Variants in TMEM181 observed in about 807,000 individuals in gnomAD.
TMEM181 encodes G protein-coupled receptor 178.
In TMEM181, 39 loss-of-function variants were observed where a neutral mutation model predicts 71.9. The ratio of observed to expected loss-of-function variants is 0.54; its 90% confidence interval spans 0.42 to 0.71. TMEM181 has a LOEUF of 0.71. TMEM181 is among the 30% of genes least tolerant of loss of function. TMEM181 has a pLI of 0.00. For missense variants in TMEM181, 595 were observed against 583.0 expected (o/e 1.02, Z -0.21); for synonymous variants, 245 against 228.8 (o/e 1.07, Z -0.64).
chr6:158,611,893 G>A (rs969442443), intron 10 of TMEM181, among the ~76,000 whole-genome samples: 1 of 152,054 alleles, frequency 6.6e-6, no homozygotes, highest in Non-Finnish European at 1.5e-5. Context: ...GGCTTGGAAT[G>A]TTTCTGTATC....
chr6:158,594,125 G>T, intron 6 of TMEM181, among the ~76,000 whole-genome samples: 1 of 119,090 alleles, frequency 8.4e-6, no homozygotes. Flanking sequence ...TTTTTTCTGA[G>T]ACAGAGTCTG....
intron 1 of TMEM181, among the ~76,000 whole-genome samples, chr6:158,571,453 C>G (rs761695134): frequency 1.5e-5 from 2 of 134,442 alleles, no homozygotes; most frequent in South Asian, 2.3e-4. Flanking sequence ...TGAGCCACCA[C>G]GCCTGGCTGC....
intron 1 of TMEM181, among the ~76,000 whole-genome samples, chr6:158,563,324 A>G (rs1782293229): frequency 6.6e-6 from 1 of 152,142 alleles, no homozygotes; most frequent in Non-Finnish European, 1.5e-5. Context: ...TTGTATTTTT[A>G]GTAGAGTCAG....
intron 1 of TMEM181, among the ~76,000 whole-genome samples, chr6:158,538,121 C>T (rs1361059580): frequency 6.7e-6 from 1 of 148,926 alleles, no homozygotes; most frequent in Non-Finnish European, 1.5e-5. Flanking sequence ...CTGCTAGTCC[C>T]CCGTCCCCCG....
chr6:158,608,236 TCTCTGCTAGGTGCTGACCCCGCAGAG>T, intron 8 of TMEM181, 71 bp from the exon 9 acceptor site: 1 of 790,980 alleles, frequency 1.3e-6, no homozygotes. Context: ...TATGGGGTGC[TCTCTGCTAGGTGCTGACCCCGCAGAG>T]GTATGGGGTG....
intron 10 of TMEM181, among the ~76,000 whole-genome samples, chr6:158,615,393 C>A (rs562468486): frequency 6.6e-6 from 1 of 152,288 alleles, no homozygotes; most frequent in South Asian, 2.1e-4. Context: ...AGCCCTTTAT[C>A]AGATGAGTAG....
chr6:158,546,938 C>T (rs564251738), intron 1 of TMEM181, among the ~76,000 whole-genome samples: 16 of 151,802 alleles, frequency 1.1e-4, no homozygotes, highest in East Asian at 3.9e-4. Flanking sequence ...CCAGCCTGGG[C>T]GACACAGCGA....
Position 158,543,662 on chromosome 6 carries a change from T to A in TMEM181, c.131+6797T>A, listed in dbSNP as rs570120098. 7.9e-5 allele frequency among the ~76,000 whole-genome samples: 12 copies of A among 152,334 alleles called. No homozygotes were observed. The South Asian group carries it at 2.5e-3, about 32-fold the overall frequency. On this transcript the variant is annotated intron_variant, in intron 1 of 16. Transcript: ENST00000367090. ...TCACATCGTCTTCCTTCTATGTGTG[T>A]TTGTGTCCAAATCTCCCCTTTTTAT...
intron 2 of TMEM181, among the ~76,000 whole-genome samples, chr6:158,578,277 A>T (rs1783275526): frequency 6.6e-6 from 1 of 152,236 alleles, no homozygotes; most frequent in South Asian, 2.1e-4. Flanking sequence ...CTAGACAGTA[A>T]CTTGAAGCCA....
At chr6:158,587,601 A>G (rs1381687476) in intron 5 of TMEM181, among the ~76,000 whole-genome samples, 1 of 150,572 alleles carries the variant, frequency 6.6e-6, no homozygotes, top group African/African-American at 2.4e-5. Context: ...AGTAGCTAGG[A>G]TGACAGGTGT....
chr6:158,584,878 T>C (rs1055008716), intron 4 of TMEM181, among the ~76,000 whole-genome samples: 2 of 152,232 alleles, frequency 1.3e-5, no homozygotes, highest in Non-Finnish European at 2.9e-5. Flanking sequence ...CAGTATTTAA[T>C]GCTATCTTTA....
At position 158,633,932 on chromosome 6, in the gene TMEM181, C is replaced by T. The variant is rs937505691; in HGVS notation, c.*2044C>T. ...ACATATTCTGTGATATGGTTTACAA[C>T]TTTTAATCATAATTGTCCATGATTT... On this transcript the variant is annotated 3_prime_UTR_variant, in exon 17 of 17. Coordinates refer to ENST00000684151, the MANE Select transcript of TMEM181 (RefSeq NM_001376852.1). 1 of 152,108 alleles carries T rather than the reference C, an allele frequency of 6.6e-6. No individual in the cohort carries two copies. The highest frequency in any genetic ancestry group is 2.4e-5 in the African/African-American group (1 of 41,410). The allele number at this position is 152,108 out of a possible 1,614,324, so 9.4% of individuals were successfully genotyped here.
At position 158,627,611 on chromosome 6, in the gene TMEM181, C is replaced by T. The variant is rs78748668; in HGVS notation, c.1110-797C>T. Among the ~76,000 whole-genome samples, 677 of 152,046 alleles carry T rather than the reference C, an allele frequency of 4.5e-3. 4 individuals are homozygous for T. The highest frequency in any genetic ancestry group is 0.016 in the African/African-American group (648 of 41,496). On this transcript the variant is annotated intron_variant, in intron 13 of 16. Coordinates refer to ENST00000684151, the MANE Select transcript of TMEM181 (RefSeq NM_001376852.1). ...GGCTGCCCCAGGCCGCAGAACAGGG[C>T]ACCGGCAGCCTGGGTGGGCGTCAGC...
chr6:158,550,811 C>T (rs557253525), intron 1 of TMEM181, among the ~76,000 whole-genome samples: 4 of 146,024 alleles, frequency 2.7e-5, no homozygotes, highest in African/African-American at 1.0e-4. Flanking sequence ...GAACTTGAAG[C>T]TAATGCACAG....
intron 1 of TMEM181, among the ~76,000 whole-genome samples, chr6:158,560,603 G>C (rs1034137642): frequency 6.6e-6 from 1 of 152,236 alleles, no homozygotes; most frequent in East Asian, 1.9e-4. Context: ...CCGCCTCCCG[G>C]GCAGCCTCTC....
intron 14 of TMEM181, among the ~76,000 whole-genome samples, chr6:158,628,838 G>A (rs1054072213): frequency 2.0e-5 from 3 of 152,188 alleles, no homozygotes; most frequent in African/African-American, 2.4e-5. Context: ...AATGAGGTGC[G>A]GTTGCCTCTC....
At chr6:158,564,295 A>G (rs933455502) in intron 1 of TMEM181, among the ~76,000 whole-genome samples, 2 of 152,146 alleles carry the variant, frequency 1.3e-5, no homozygotes, top group South Asian at 2.1e-4. Flanking sequence ...CTGGGTGTGC[A>G]TTTGTGGGTT....
intron 6 of TMEM181, among the ~76,000 whole-genome samples, chr6:158,593,724 A>G (rs1307978046): frequency 6.6e-6 from 1 of 152,216 alleles, no homozygotes; most frequent in Non-Finnish European, 1.5e-5. Context: ...ACCTCCAAAT[A>G]TAATTCTTTT....
At chr6:158,624,448 C>T (rs945621150) in intron 11 of TMEM181, among the ~76,000 whole-genome samples, 8 of 152,194 alleles carry the variant, frequency 5.3e-5, no homozygotes, top group Admixed American at 2.6e-4. Context: ...TGGCGTGGGC[C>T]GGAGCCATCG....
Sources: allele counts gnomAD v4.1 joint callset (sites outside exome capture counted in the v4.1 genomes callset), GRCh38; gene constraint gnomAD v4.1.1; transcripts MANE v1.5; gene names NCBI Gene and HGNC (gene_info 2026-07-23, HGNC 2026-07-21).